Variants in MSI2 observed in about 807,000 individuals in gnomAD.
MSI2 encodes the protein RNA-binding protein Musashi homolog 2.
MSI2 carries 17 observed loss-of-function variants against 45.6 expected under a neutral mutation model. The ratio of observed to expected loss-of-function variants is 0.37; its 90% confidence interval spans 0.26 to 0.56. MSI2 has a LOEUF of 0.56. Among genes scored for constraint, MSI2 ranks in the 20% least tolerant of loss-of-function variants. The pLI, the probability that MSI2 is intolerant of heterozygous loss-of-function variation, is 0.77. For missense variants in MSI2, 293 were observed against 444.2 expected (o/e 0.66, Z 3.06); for synonymous variants, 156 against 158.2 (o/e 0.99, Z 0.11).
At chr17:57,517,317 A>G (rs1002955523) in intron 6 of MSI2, among the ~76,000 whole-genome samples, 7 of 152,186 alleles carry the variant, frequency 4.6e-5, no homozygotes, top group Non-Finnish European at 8.8e-5. Context: ...CCCCATGAAG[A>G]AACTCTGGGG....
intron 5 of MSI2, among the ~76,000 whole-genome samples, chr17:57,376,516 T>G (rs1229874492): frequency 6.6e-6 from 1 of 152,326 alleles, no homozygotes; most frequent in Non-Finnish European, 1.5e-5. Context: ...GGTGAGACCC[T>G]GACTTCTCAT....
intron 9 of MSI2, among the ~76,000 whole-genome samples, chr17:57,617,362 A>T (rs1054964821): frequency 1.4e-4 from 21 of 152,214 alleles, no homozygotes; most frequent in South Asian, 6.2e-4. Flanking sequence ...AATGTTTTTA[A>T]AAAGAGGAAT....
At chr17:57,685,217 T>C (rs1435364336), downstream of MSI2, among the ~76,000 whole-genome samples, 1 of 152,154 alleles carries the variant, frequency 6.6e-6, no homozygotes, top group Non-Finnish European at 1.5e-5. Context: ...TACAATACTT[T>C]CCACCCCTCT....
chr17:57,699,013 A>G, the MSI2 span, among the ~76,000 whole-genome samples: 17 of 57,518 alleles, frequency 3.0e-4, no homozygotes, highest in African/African-American at 1.6e-3. Flanking sequence ...GGAAGAGGCG[A>G]GGAGAGAGAG....
chr17:57,577,115 A>G (rs2088071193), intron 7 of MSI2, among the ~76,000 whole-genome samples: 1 of 152,204 alleles, frequency 6.6e-6, no homozygotes, highest in South Asian at 2.1e-4. Flanking sequence ...ATAAGGAGAA[A>G]TGAGGTGGCT....
intron 10 of MSI2, chr17:57,628,530 G>A (rs1598470856): frequency 6.6e-6 from 1 of 152,490 alleles, no homozygotes; most frequent in Admixed American, 6.5e-5. Flanking sequence ...GATACCACCT[G>A]GCCAAGTGGC....
At chr17:57,379,481 C>CTTTTT (rs78899938) in intron 5 of MSI2, among the ~76,000 whole-genome samples, 1 of 134,794 alleles carries the variant, frequency 7.4e-6, no homozygotes, top group African/African-American at 2.7e-5. Flanking sequence ...TTTCTTTCTT[C>CTTTTT]TTTTTTTTTT....
chr17:57,323,841 G>C (rs543937659), intron 5 of MSI2, among the ~76,000 whole-genome samples: 28 of 152,152 alleles, frequency 1.8e-4, no homozygotes, highest in African/African-American at 2.7e-4. Flanking sequence ...TTTCTTGCAC[G>C]AACTCATTAT....
At chr17:57,620,036 A>G (rs1908141685) in intron 9 of MSI2, among the ~76,000 whole-genome samples, 1 of 152,198 alleles carries the variant, frequency 6.6e-6, no homozygotes, top group Non-Finnish European at 1.5e-5. Flanking sequence ...TCACAGAGGC[A>G]CTAGTCTTCT....
At chr17:57,319,078 T>A (rs896728247) in intron 5 of MSI2, among the ~76,000 whole-genome samples, 2 of 152,228 alleles carry the variant, frequency 1.3e-5, no homozygotes, top group African/African-American at 4.8e-5. Flanking sequence ...TGCTCTCTTC[T>A]GAGCTGGTGA....
chr17:57,387,244 T>C (rs1426925702), intron 5 of MSI2, among the ~76,000 whole-genome samples: 1 of 152,256 alleles, frequency 6.6e-6, no homozygotes, highest in Non-Finnish European at 1.5e-5. Context: ...CTATAAAACA[T>C]CTGTAACACT....
At chr17:57,272,907 A>G (rs1329250817) in intron 5 of MSI2, among the ~76,000 whole-genome samples, 2 of 152,030 alleles carry the variant, frequency 1.3e-5, no homozygotes, top group Admixed American at 6.5e-5. Context: ...TTACTGATAC[A>G]CTCTATTTTT....
At chr17:57,538,909 T>G (rs2086980368) in intron 7 of MSI2, among the ~76,000 whole-genome samples, 1 of 152,224 alleles carries the variant, frequency 6.6e-6, no homozygotes, top group Non-Finnish European at 1.5e-5. Flanking sequence ...ACTTATCTTC[T>G]CTGCAACTCA....
At chr17:57,488,423 T>A (rs891866942) in intron 6 of MSI2, among the ~76,000 whole-genome samples, 2 of 151,526 alleles carry the variant, frequency 1.3e-5, no homozygotes, top group African/African-American at 4.9e-5. Context: ...CCCACCTACC[T>A]TTTGGGCCAA....
downstream of MSI2, among the ~76,000 whole-genome samples, chr17:57,688,695 T>G (rs1053899972): frequency 6.6e-6 from 1 of 152,140 alleles, no homozygotes; most frequent in African/African-American, 2.4e-5. Context: ...AAGATACATA[T>G]GTGTATATAC....
At chr17:57,667,300 C>A (rs934486973) in intron 11 of MSI2, among the ~76,000 whole-genome samples, 1 of 152,110 alleles carries the variant, frequency 6.6e-6, no homozygotes, top group Non-Finnish European at 1.5e-5. Flanking sequence ...GTTAAAACAC[C>A]GCCTGCTTCA....
At chr17:57,334,837 A>G (rs1222807355) in intron 5 of MSI2, among the ~76,000 whole-genome samples, 3 of 152,156 alleles carry the variant, frequency 2.0e-5, no homozygotes, top group South Asian at 2.1e-4. Context: ...ACGTCCTCCA[A>G]TGGACTGAGA....
rs1171707659 is a variant in MSI2, at chr17:57,569,982, C to T, written c.455-26886C>T. On this transcript the variant is annotated intron_variant, in intron 7 of 13. Transcript: ENST00000284073. ...TTGGGAGTTACAGGGAGGTCCTCAG[C>T]GTAGACACGAGCCACGGCTGACACA... 3.3e-5 allele frequency among the ~76,000 whole-genome samples: 5 copies of T among 151,986 alleles called. No individual in the cohort carries two copies. The East Asian group carries it at 7.7e-4, about 23-fold the overall frequency.
rs975945364 is a variant in MSI2 at position 57,529,213 on chromosome 17, A to T, written c.406-463A>T. The stretch of plus-strand genomic sequence containing the variant: ...CGCTTTGAAAGGCTGCTGCAGGAGG[A>T]TCACTTGAGCCCAGGAGTTCAAGAC... On this transcript the variant is annotated intron_variant, in intron 6 of 13. Coordinates refer to ENST00000284073, the MANE Select transcript of MSI2 (RefSeq NM_138962.4). The surrounding 1 kb of genome is among the most constrained non-coding windows in gnomAD (Gnocchi z 5.3). Among the ~76,000 whole-genome samples, 6 of 152,138 alleles carry T rather than the reference A, an allele frequency of 3.9e-5. No homozygotes were observed. Among genetic ancestry groups the T allele is most frequent in the Non-Finnish European group, 7.4e-5 (5 of 68,026 alleles).
Sources: gnomAD v4.1 joint callset for allele counts (sites outside exome capture counted in the v4.1 genomes callset) on GRCh38, gnomAD v4.1.1 for gene constraint, Gnocchi (gnomAD v3.1) non-coding constraint, MANE v1.5 for transcripts, NCBI Gene and HGNC (gene_info 2026-07-23, HGNC 2026-07-21) for gene names.